Variants in PRSS12 observed in about 807,000 individuals in gnomAD.
The protein encoded by PRSS12 is neurotrypsin.
Under a neutral mutation model 104.4 loss-of-function variants are expected in PRSS12, and 85 were observed. That is an observed-to-expected ratio of 0.81 (90% CI 0.68 to 0.98). The LOEUF (loss-of-function observed/expected upper bound fraction) is 0.98, where lower values mean the gene tolerates loss of function less well. Ranked by LOEUF, PRSS12 falls within the 50% of genes least tolerant of loss-of-function variation. PRSS12 has a pLI of 0.00. For synonymous variants in PRSS12, 454 were observed against 425.2 expected, an observed-to-expected ratio of 1.07 and a Z score of -0.83; for missense variants, 1,141 against 1,139.2, an observed-to-expected ratio of 1.00 and a Z score of -0.02.
chr4:118,312,218 C>G (rs1743754241), intron 7 of PRSS12, among the ~76,000 whole-genome samples: 1 of 152,050 alleles, frequency 6.6e-6, no homozygotes, highest in African/African-American at 2.4e-5. Context: ...GGTTAATACT[C>G]TGAGGTTCAA....
intron 11 of PRSS12, 26 bp from the exon 12 acceptor site, chr4:118,283,137 A>G: frequency 6.2e-7 from 1 of 1,612,720 alleles, no homozygotes; most frequent in Non-Finnish European, 8.5e-7. Context: ...TACTAATGAG[A>G]GACTTGCTTC....
At chr4:118,339,876 G>GTT (rs1724156635) in intron 1 of PRSS12, among the ~76,000 whole-genome samples, 2 of 152,106 alleles carry the variant, frequency 1.3e-5, no homozygotes, top group Admixed American at 1.3e-4. Flanking sequence ...GAATTCATTT[G>GTT]TTGACCTCAA....
chr4:118,304,342 A>T (rs1376603684), intron 8 of PRSS12, among the ~76,000 whole-genome samples: 1 of 151,992 alleles, frequency 6.6e-6, no homozygotes, highest in South Asian at 2.1e-4. Flanking sequence ...TGTATTTTTT[A>T]AAATGGATAG....
chr4:118,335,519 C>T lies in PRSS12; in HGVS notation c.774G>A (p.Val258=). 1 of 1,613,968 alleles carries T rather than the reference C, an allele frequency of 6.2e-7. No homozygotes were observed. Among genetic ancestry groups the T allele is most frequent in the South Asian group, 1.1e-5 (1 of 91,084 alleles). Residue 258 remains valine, a synonymous_variant, in exon 3 of 13, where the codon GTG becomes GTA. Coordinates refer to ENST00000296498, the MANE Select transcript of PRSS12 (RefSeq NM_003619.4). Reference sequence around the variant, plus strand: ...CAGCAGCTGCCATCTTCTGAGGACACACCCCACCCTGCCAGATGTCTTTTT... The same window carrying T: ...CAGCAGCTGCCATCTTCTGAGGACATACCCCACCCTGCCAGATGTCTTTTT... ...LCEKDIWQGG[V]CPQKMAAAVT...
At chr4:118,294,379 C>T (rs982537832) in intron 11 of PRSS12, among the ~76,000 whole-genome samples, 8 of 152,138 alleles carry the variant, frequency 5.3e-5, no homozygotes, top group African/African-American at 9.7e-5. Context: ...GCAGGATCTG[C>T]CACCATGAGC....
At chr4:118,294,348 G>A (rs2126027984) in intron 11 of PRSS12, among the ~76,000 whole-genome samples, 1 of 152,252 alleles carries the variant, frequency 6.6e-6, no homozygotes, top group African/African-American at 2.4e-5. Context: ...CTAAACAAGA[G>A]AAAGTAGAGC....
intron 8 of PRSS12, among the ~76,000 whole-genome samples, chr4:118,304,899 A>C (rs138605299): frequency 0.021 from 3,196 of 151,302 alleles, 44 homozygotes; most frequent in South Asian, 0.034. Context: ...CAGTATTTCC[A>C]AGGACTAATC....
At chr4:118,322,549 TAAAAAA>T (rs11345468) in intron 4 of PRSS12, among the ~76,000 whole-genome samples, 2 of 142,820 alleles carry the variant, frequency 1.4e-5, no homozygotes, top group African/African-American at 5.2e-5. Flanking sequence ...GACTCCATCT[TAAAAAA>T]AAAAAAAAAA....
In PRSS12 at chr4:118,352,954, C is replaced by A. The variant is rs930695533; in HGVS notation, c.-234G>T. Reference sequence around the variant, plus strand: ...CGGGTGGGGAAATCTGGAGCTCAGCCGAGCCCCGGCCGGCGGAGAGGACCG... The same window carrying A: ...CGGGTGGGGAAATCTGGAGCTCAGCAGAGCCCCGGCCGGCGGAGAGGACCG... On this transcript the variant is annotated 5_prime_UTR_variant, in exon 1 of 13. Transcript: ENST00000296498. The A allele has an allele frequency of 1.8e-6, 2 of 1,133,696 alleles. No homozygotes were observed. The highest frequency in any genetic ancestry group is 1.2e-6 in the Non-Finnish European group (1 of 859,302). The allele number at this position is 1,133,696 out of a possible 1,614,324, so 70.2% of individuals were successfully genotyped here. A position where few individuals can be genotyped will look rare whatever the true frequency, so the allele number is the denominator to read the frequency against.
At chr4:118,290,249 C>A (rs956247910) in intron 11 of PRSS12, among the ~76,000 whole-genome samples, 8 of 152,052 alleles carry the variant, frequency 5.3e-5, no homozygotes, top group African/African-American at 1.9e-4. Context: ...AAAAAGAGCC[C>A]ATCCAGGGAA....
At chr4:118,340,139 G>A (rs1379491852) in intron 1 of PRSS12, among the ~76,000 whole-genome samples, 1 of 152,180 alleles carries the variant, frequency 6.6e-6, no homozygotes, top group Non-Finnish European at 1.5e-5. Context: ...AAAATCCTGA[G>A]TAAAGTATAA....
At chr4:118,346,699 A>G (rs1309277414) in intron 1 of PRSS12, among the ~76,000 whole-genome samples, 1 of 152,078 alleles carries the variant, frequency 6.6e-6, no homozygotes, top group African/African-American at 2.4e-5. Flanking sequence ...GCCACTCCCC[A>G]TCGCTCACAT....
chr4:118,285,126 T>C (rs1399995435), intron 11 of PRSS12, among the ~76,000 whole-genome samples: 1 of 152,198 alleles, frequency 6.6e-6, no homozygotes, highest in African/African-American at 2.4e-5. Flanking sequence ...TTGGCTTATA[T>C]AGCCACCTAC....
chr4:118,323,367 A>G (rs890373500), intron 4 of PRSS12, among the ~76,000 whole-genome samples: 2 of 152,026 alleles, frequency 1.3e-5, no homozygotes, highest in African/African-American at 4.8e-5. Flanking sequence ...TAGGTGCTAT[A>G]AGGAAACCTG....
intron 4 of PRSS12, among the ~76,000 whole-genome samples, chr4:118,324,763 A>G (rs1185392209): frequency 6.6e-6 from 1 of 152,032 alleles, no homozygotes; most frequent in African/African-American, 2.4e-5. Context: ...CACAGGCTGG[A>G]GTGCAGTGGC....
intron 5 of PRSS12, among the ~76,000 whole-genome samples, chr4:118,316,837 A>AAAAAAAAAATATATATAT (rs35698159): frequency 1.0e-5 from 1 of 99,194 alleles, no homozygotes; most frequent in African/African-American, 3.5e-5. Flanking sequence ...AAAAAAAAAA[A>AAAAAAAAAATATATATAT]ATATATATAT....
chr4:118,346,833 T>C (rs529227037), intron 1 of PRSS12, among the ~76,000 whole-genome samples: 124 of 152,280 alleles, frequency 8.1e-4, no homozygotes, highest in African/African-American at 2.9e-3. Flanking sequence ...GCATGCTCCT[T>C]ATGAGAATCT....
chr4:118,292,244 G>A (rs1490911383), intron 11 of PRSS12, among the ~76,000 whole-genome samples: 4 of 151,948 alleles, frequency 2.6e-5, no homozygotes, highest in East Asian at 1.9e-4. Flanking sequence ...TGTTGAACAC[G>A]ACAAAGATAA....
At chr4:118,313,096 C>G in intron 7 of PRSS12, 105 bp downstream of exon 7, 1 of 1,352,954 alleles carries the variant, frequency 7.4e-7, no homozygotes, top group Non-Finnish European at 1.0e-6. Flanking sequence ...GGAAATAGAC[C>G]CCAAAAAAAG....
Sources: allele counts gnomAD v4.1 joint callset (sites outside exome capture counted in the v4.1 genomes callset), GRCh38; gene constraint gnomAD v4.1.1; transcripts MANE v1.5; gene names NCBI Gene and HGNC (gene_info 2026-07-23, HGNC 2026-07-21).